The following PDE4B variants were observed in gnomAD, a reference collection of about 807,000 sequenced individuals.
The protein encoded by PDE4B is 3',5'-cyclic-AMP phosphodiesterase 4B.
Under a neutral mutation model 82.2 loss-of-function variants are expected in PDE4B, and 20 were observed. That is an observed-to-expected ratio of 0.24 (90% confidence interval 0.17 to 0.35). PDE4B has a LOEUF of 0.35. Ranked by LOEUF, PDE4B falls within the 10% of genes least tolerant of loss-of-function variation. The pLI, the probability that PDE4B is intolerant of heterozygous loss-of-function variation, is 1.00. For synonymous variants in PDE4B, 320 were observed against 318.9 expected (o/e 1.00, Z -0.04); for missense variants, 655 against 907.2 (o/e 0.72, Z 3.57).
intron 3 of PDE4B, among the ~76,000 whole-genome samples, chr1:65,993,497 G>A (rs1450384303): frequency 6.6e-6 from 1 of 151,960 alleles, no homozygotes; most frequent in Non-Finnish European, 1.5e-5. Context: ...TTTTGTGATT[G>A]TTAGTGATTT....
At chr1:66,083,944 T>C (rs745842457) in intron 3 of PDE4B, among the ~76,000 whole-genome samples, 2 of 152,204 alleles carry the variant, frequency 1.3e-5, no homozygotes, top group Non-Finnish European at 2.9e-5. Context: ...CTCCATGTTA[T>C]GTCATAATCT....
intron 3 of PDE4B, among the ~76,000 whole-genome samples, chr1:66,091,998 G>A (rs765935599): frequency 2.0e-5 from 3 of 151,824 alleles, no homozygotes; most frequent in Non-Finnish European, 2.9e-5. Flanking sequence ...GTGCAACATC[G>A]GCTATTCATC....
intron 3 of PDE4B, among the ~76,000 whole-genome samples, chr1:66,183,844 C>G (rs1011131847): frequency 7.2e-5 from 11 of 152,140 alleles, no homozygotes; most frequent in African/African-American, 2.7e-4. Flanking sequence ...CCACACGTAC[C>G]TTAAATCACA....
intron 3 of PDE4B, among the ~76,000 whole-genome samples, chr1:66,123,100 A>G (rs1645746911): frequency 1.3e-5 from 2 of 152,094 alleles, no homozygotes; most frequent in South Asian, 4.1e-4. Context: ...ATATTTTGAC[A>G]TTTGAAAAGA....
chr1:66,125,045 A>G (rs1288399497), intron 3 of PDE4B, among the ~76,000 whole-genome samples: 5 of 145,392 alleles, frequency 3.4e-5, no homozygotes, highest in African/African-American at 1.3e-4. Flanking sequence ...TGGCATAATT[A>G]CCTTACTATT....
intron 8 of PDE4B, among the ~76,000 whole-genome samples, chr1:66,348,105 T>C (rs186797062): frequency 6.6e-6 from 1 of 152,306 alleles, no homozygotes; most frequent in African/African-American, 2.4e-5. Context: ...ATACTATAAG[T>C]TGTAGAGCTT....
intron 3 of PDE4B, among the ~76,000 whole-genome samples, chr1:66,045,891 A>G (rs548945823): frequency 6.6e-6 from 1 of 151,896 alleles, no homozygotes; most frequent in East Asian, 1.9e-4. Context: ...GAGCATAGAC[A>G]TGAGAGAGAT....
At chr1:66,254,558 C>A (rs1241310211) in intron 4 of PDE4B, among the ~76,000 whole-genome samples, 1 of 152,130 alleles carries the variant, frequency 6.6e-6, no homozygotes, top group Non-Finnish European at 1.5e-5. Context: ...TCCCATATCT[C>A]AGTCTTCCTG....
chr1:65,866,258 G>C (rs1019225040), intron 1 of PDE4B, among the ~76,000 whole-genome samples: 1 of 151,908 alleles, frequency 6.6e-6, no homozygotes, highest in Non-Finnish European at 1.5e-5. Context: ...TTACATAAAT[G>C]TAAGTACAAT....
At chr1:65,837,919 A>C (rs1646160315) in intron 1 of PDE4B, among the ~76,000 whole-genome samples, 1 of 152,058 alleles carries the variant, frequency 6.6e-6, no homozygotes, top group Non-Finnish European at 1.5e-5. Flanking sequence ...AGTGTGTGTT[A>C]CCTTGTTCCC....
chr1:66,313,043 G>A (rs1466601916), intron 7 of PDE4B, among the ~76,000 whole-genome samples: 1 of 152,140 alleles, frequency 6.6e-6, no homozygotes, highest in Non-Finnish European at 1.5e-5. Flanking sequence ...TGTTCTGCCT[G>A]CCTCTCCAGC....
rs532279307 is a variant in PDE4B at position 66,147,683 on chromosome 1, T to C, written c.282-99777T>C. On this transcript the variant is annotated intron_variant, in intron 3 of 16. Coordinates refer to ENST00000341517, the MANE Select transcript of PDE4B (RefSeq NM_002600.4). ...ATGAGCAAATTATAGATGGCAGTAA[T>C]AGGGTGCTTCCAGTGGGGCGTTTCT... Among the ~76,000 whole-genome samples, 9 of 152,308 alleles carry C rather than the reference T, an allele frequency of 5.9e-5. No homozygotes were observed. In the South Asian group the frequency reaches 1.9e-3, roughly 32 times the overall value.
At position 66,332,578 on chromosome 1, in the gene PDE4B, C is replaced by G; in HGVS notation, c.705C>G (p.Thr235=). ...ELDWCLDQLE[T]IQTYRSVSEM... is the part of the protein sequence containing the mutation. The stretch of plus-strand genomic sequence containing the variant: ...ACTGGTGTTTAGACCAGCTAGAGAC[C>G]ATACAGACCTACCGGTCTGTCAGTG... The change falls in exon 8 of 17, where the codon ACC becomes ACG. Residue 235 remains threonine, a synonymous_variant. Coordinates refer to ENST00000341517, the MANE Select transcript of PDE4B (RefSeq NM_002600.4). 2 of 1,614,012 alleles carry G rather than the reference C, an allele frequency of 1.2e-6. No homozygotes were observed. The highest frequency in any genetic ancestry group is 2.2e-5 in the South Asian group (2 of 91,076).
At chr1:66,305,478 A>T (rs1355720398) in intron 7 of PDE4B, among the ~76,000 whole-genome samples, 1 of 152,192 alleles carries the variant, frequency 6.6e-6, no homozygotes, top group Non-Finnish European at 1.5e-5. Flanking sequence ...AATAACTGAA[A>T]AAAAGTATTA....
intron 1 of PDE4B, among the ~76,000 whole-genome samples, chr1:65,862,191 T>C (rs1646461855): frequency 6.6e-6 from 1 of 152,202 alleles, no homozygotes; most frequent in Non-Finnish European, 1.5e-5. Flanking sequence ...GGGTTTGTCA[T>C]AAATAGCTCT....
At position 66,372,189 on chromosome 1, in the gene PDE4B, G is replaced by A; in HGVS notation, c.1846-124G>A. ...ACTGTATTGTGAGTGCCCAAATCATGGAATCCATTATGATTGATCTTTCTG... is the reference window on the plus strand; with the variant it reads ...ACTGTATTGTGAGTGCCCAAATCATAGAATCCATTATGATTGATCTTTCTG... On this transcript the variant is annotated intron_variant, in intron 16 of 16. Transcript: ENST00000341517. 9.1e-6 allele frequency: 9 copies of A among 986,970 alleles called. No individual in the cohort carries two copies. In the South Asian group the frequency reaches 1.1e-4, roughly 12 times the overall value. 61.1% of individuals were successfully genotyped at this position (986,970 alleles called of 1,614,324 possible).
intron 3 of PDE4B, among the ~76,000 whole-genome samples, chr1:66,011,076 T>A (rs1652458824): frequency 1.3e-5 from 2 of 151,974 alleles, no homozygotes; most frequent in South Asian, 4.1e-4. Context: ...GATTCATGCA[T>A]GTTGTTTTAT....
chr1:66,352,791 G>A (rs1478500242), intron 8 of PDE4B, among the ~76,000 whole-genome samples: 1 of 151,836 alleles, frequency 6.6e-6, no homozygotes, highest in Non-Finnish European at 1.5e-5. Flanking sequence ...TGGCAAATAC[G>A]TGAAAAAAGG....
chr1:65,958,875 CTTATATAG>C (rs1649405132), intron 3 of PDE4B, among the ~76,000 whole-genome samples: 1 of 152,116 alleles, frequency 6.6e-6, no homozygotes, highest in South Asian at 2.1e-4. Context: ...GTAGTTATGA[CTTATATAG>C]TTATATTTAA....
Sources: allele counts gnomAD v4.1 joint callset (sites outside exome capture counted in the v4.1 genomes callset), GRCh38; gene constraint gnomAD v4.1.1; transcripts MANE v1.5; gene names NCBI Gene and HGNC (gene_info 2026-07-23, HGNC 2026-07-21).